The following RNF216 variants were observed in gnomAD, a reference collection of about 807,000 sequenced individuals.
RNF216 encodes the protein ring finger protein 216.
A neutral mutation model predicts 110.8 loss-of-function variants in RNF216; 72 were observed. That is an observed-to-expected ratio of 0.65 (90% CI 0.54 to 0.79). The LOEUF is 0.79. RNF216 is among the 30% of genes least tolerant of loss of function. The pLI, the probability that RNF216 is intolerant of heterozygous loss-of-function variation, is 0.00. For missense variants in RNF216, 1,342 were observed against 1,141.2 expected (o/e 1.18, Z -2.54); for synonymous variants, 495 against 407.5 (o/e 1.21, Z -2.59).
rs752360168 is a variant in RNF216, at chr7:5,652,552, G to A, written c.2062-42C>T. The stretch of plus-strand genomic sequence containing the variant: ...GACACAAAGACAACTCCTGGTGAGT[G>A]GACACCACAGAAGTTCCTGTTCAAC... On this transcript the variant is annotated intron_variant, in intron 13 of 16. Coordinates refer to ENST00000389902, the MANE Select transcript of RNF216 (RefSeq NM_207111.4). 3.8e-6 allele frequency: 5 copies of A among 1,307,790 alleles called. No individual in the cohort carries two copies. The East Asian group carries it at 9.2e-5, about 24-fold the overall frequency. 81.0% of individuals were successfully genotyped at this position (1,307,790 alleles called of 1,614,324 possible).
At position 5,729,540 on chromosome 7, in the gene RNF216, G is replaced by A. The variant is rs749212408; in HGVS notation, c.1281C>T (p.Cys427=). ...TGAGGAGGTCAGCAGCTTGGATGAA[G>A]CAGCGCTGGTCAAGAGGGGTCAATT... ...YSKLTPLDQR[C]FIQAADLLMA... The change falls in exon 7 of 17, where the codon TGC becomes TGT. Residue 427 remains cysteine (C), a synonymous_variant. Coordinates refer to ENST00000389902, the MANE Select transcript of RNF216 (RefSeq NM_207111.4). 4 of 1,614,152 alleles carry A rather than the reference G, an allele frequency of 2.5e-6. No individual in the cohort carries two copies. The South Asian group carries it at 3.3e-5, about 13-fold the overall frequency.
rs1786326701 is a variant in RNF216 at position 5,621,105 on chromosome 7, G to A, written c.*1755C>T. On this transcript the variant is annotated 3_prime_UTR_variant, in exon 17 of 17. Coordinates refer to ENST00000389902, the MANE Select transcript of RNF216 (RefSeq NM_207111.4). ...GGCCTCCCTGCGCACCCTTACCCCA[G>A]GTCCAGGTGACCACCTGTCTTCAAA... 1 of 152,096 alleles carries A rather than the reference G, an allele frequency of 6.6e-6. No homozygotes were observed. The highest frequency in any genetic ancestry group is 1.5e-5 in the Non-Finnish European group (1 of 68,072). The allele number at this position is 152,096 out of a possible 1,614,324, so 9.4% of individuals were successfully genotyped here.
chr7:5,730,925 T>G, intron 5 of RNF216, 108 bp from the exon 6 acceptor site: 1 of 1,461,144 alleles, frequency 6.8e-7, no homozygotes. Context: ...ACATTACAAC[T>G]GGCCTATCAA....
At chr7:5,705,801 G>C (rs764258214) in intron 13 of RNF216, among the ~76,000 whole-genome samples, 2 of 151,970 alleles carry the variant, frequency 1.3e-5, no homozygotes, top group Non-Finnish European at 2.9e-5. Flanking sequence ...CAGCTACTCG[G>C]GAGGCTGGGG....
intron 13 of RNF216, among the ~76,000 whole-genome samples, chr7:5,706,277 A>T (rs572560536): frequency 6.6e-6 from 1 of 152,234 alleles, no homozygotes; most frequent in African/African-American, 2.4e-5. Context: ...CTACCCAATT[A>T]ACACATTTTT....
chr7:5,661,465 A>G (rs1345572114), intron 13 of RNF216, among the ~76,000 whole-genome samples: 22 of 152,208 alleles, frequency 1.4e-4, no homozygotes, highest in Non-Finnish European at 2.9e-5. Context: ...CAATCTTCAC[A>G]GCAACTCTAC....
At chr7:5,710,734 T>C (rs774010533) in intron 13 of RNF216, among the ~76,000 whole-genome samples, 1 of 152,120 alleles carries the variant, frequency 6.6e-6, no homozygotes, top group Non-Finnish European at 1.5e-5. Flanking sequence ...CCATCTCCAC[T>C]CCACTCCCAC....
At chr7:5,658,513 C>T (rs1788888514) in intron 13 of RNF216, among the ~76,000 whole-genome samples, 1 of 151,518 alleles carries the variant, frequency 6.6e-6, no homozygotes, top group African/African-American at 2.4e-5. Flanking sequence ...AAAAATATAG[C>T]TGGCTGTGGT....
At chr7:5,766,091 C>G (rs1796194044) in intron 1 of RNF216, among the ~76,000 whole-genome samples, 2 of 152,130 alleles carry the variant, frequency 1.3e-5, no homozygotes, top group East Asian at 1.9e-4. Context: ...CAAGACCAGC[C>G]TGGGCAATAT....
chr7:5,729,861 C>T (rs1397937017), intron 6 of RNF216, among the ~76,000 whole-genome samples: 1 of 152,096 alleles, frequency 6.6e-6, no homozygotes, highest in African/African-American at 2.4e-5. Flanking sequence ...CTTTCCATAC[C>T]ATATTTACGA....
chr7:5,670,256 C>T (rs1170990932), intron 13 of RNF216, among the ~76,000 whole-genome samples: 1 of 152,024 alleles, frequency 6.6e-6, no homozygotes, highest in African/African-American at 2.4e-5. Context: ...TCATAAACAA[C>T]CTGGATGTGA....
chr7:5,641,839 A>G (rs1333556546), intron 14 of RNF216, among the ~76,000 whole-genome samples: 1 of 151,992 alleles, frequency 6.6e-6, no homozygotes, highest in African/African-American at 2.4e-5. Flanking sequence ...GTTTGAGACC[A>G]GCCTGACCAA....
At chr7:5,725,465 C>A (rs374357653) in intron 7 of RNF216, 27 bp from the exon 8 acceptor site, 3 of 1,314,142 alleles carry the variant, frequency 2.3e-6, no homozygotes, top group African/African-American at 2.9e-5. Context: ...GGAAAGGTTC[C>A]TTCTGTAAAT....
chr7:5,708,027 A>G (rs1792413556), intron 13 of RNF216, among the ~76,000 whole-genome samples: 1 of 152,082 alleles, frequency 6.6e-6, no homozygotes, highest in Admixed American at 6.5e-5. Flanking sequence ...ATGCCCGGAC[A>G]GTGTGTTTAG....
At chr7:5,645,391 T>C (rs1039471774) in intron 14 of RNF216, among the ~76,000 whole-genome samples, 1 of 152,198 alleles carries the variant, frequency 6.6e-6, no homozygotes, top group Non-Finnish European at 1.5e-5. Context: ...TCAGATGATG[T>C]TCTACAGGTC....
chr7:5,752,606 GA>G (rs1795390270), intron 3 of RNF216, among the ~76,000 whole-genome samples: 1 of 152,214 alleles, frequency 6.6e-6, no homozygotes, highest in South Asian at 2.1e-4. Flanking sequence ...TTGTAGCAAT[GA>G]CAACAGTGGA....
chr7:5,679,952 C>T (rs1049290507), intron 13 of RNF216, among the ~76,000 whole-genome samples: 1 of 152,166 alleles, frequency 6.6e-6, no homozygotes, highest in Non-Finnish European at 1.5e-5. Flanking sequence ...GTATGCACAG[C>T]GAGTCCCTTA....
chr7:5,768,390 C>CACACAG (rs1705337737), intron 1 of RNF216, among the ~76,000 whole-genome samples: 1 of 148,608 alleles, frequency 6.7e-6, no homozygotes, highest in African/African-American at 2.5e-5. Context: ...CACACACACA[C>CACACAG]ACAGCTTAAA....
chr7:5,623,176 T>G lies in RNF216; in HGVS notation c.2456A>C (p.Asn819Thr). Residue 819 changes from asparagine (N) to threonine (T), a missense_variant, in exon 17 of 17, where the codon AAC becomes ACC. By Grantham distance (65) the Asn-to-Thr change is moderately conservative (BLOSUM62 0). Transcript: ENST00000389902. ...CGGGGGTCCAATGCGTTTGAAGGTG[T>G]TCTCTGAAAGGGATGTGGGGATTAG... Reference protein sequence around the residue: ...EEEQKRKNGENTFKRIGPPLE... With the variant: ...EEEQKRKNGETTFKRIGPPLE... The G allele has an allele frequency of 6.5e-7, 1 of 1,549,830 alleles. No individual in the cohort carries two copies.
Sources: gnomAD v4.1 joint callset for allele counts (sites outside exome capture counted in the v4.1 genomes callset) on GRCh38, gnomAD v4.1.1 for gene constraint, MANE v1.5 for transcripts, NCBI Gene and HGNC (gene_info 2026-07-23, HGNC 2026-07-21) for gene names.